TANC1: variants seen among roughly 807,000 people sequenced by gnomAD.
TANC1 encodes the protein protein TANC1.
In TANC1, 77 loss-of-function variants were observed where a neutral mutation model predicts 149.7. That is an observed-to-expected ratio of 0.51 (90% confidence interval 0.43 to 0.62). TANC1 has a LOEUF of 0.62. Among genes scored for constraint, TANC1 ranks in the 20% least tolerant of loss-of-function variants. The pLI is 0.00. For missense variants in TANC1, 1,985 were observed against 2,321.8 expected (o/e 0.85, Z 2.98); for synonymous variants, 854 against 925.0 (o/e 0.92, Z 1.39).
intron 2 of TANC1, among the ~76,000 whole-genome samples, chr2:159,045,918 A>G (rs1366022994): frequency 6.6e-6 from 1 of 152,242 alleles, no homozygotes; most frequent in Non-Finnish European, 1.5e-5. Context: ...AAATTCAACC[A>G]GAGTTTAGGC....
chr2:159,039,005 T>C (rs139814371), intron 2 of TANC1, among the ~76,000 whole-genome samples: 1,602 of 152,330 alleles, frequency 0.011, 17 homozygotes, highest in Non-Finnish European at 0.018. Context: ...TGGTAGGCTA[T>C]TAATTATTGC....
intron 23 of TANC1, 184 bp downstream of exon 23, chr2:159,224,548 G>C: frequency 2.9e-6 from 2 of 687,036 alleles, no homozygotes; most frequent in Middle Eastern, 6.6e-4. Context: ...CGGTGTTTCT[G>C]CGGGGAGGGT....
At chr2:159,216,620 G>A (rs944739038) in intron 19 of TANC1, among the ~76,000 whole-genome samples, 37 of 152,282 alleles carry the variant, frequency 2.4e-4, no homozygotes, top group African/African-American at 8.9e-4. Context: ...CCAGGCTGAC[G>A]GGAGGGTGTC....
intron 19 of TANC1, among the ~76,000 whole-genome samples, chr2:159,202,833 C>CA (rs1313163684): frequency 1.3e-5 from 2 of 152,154 alleles, no homozygotes; most frequent in African/African-American, 4.8e-5. Context: ...ACAGCTGTGA[C>CA]AACTCCATGC....
chr2:159,054,707 T>C (rs1315511719), intron 2 of TANC1, among the ~76,000 whole-genome samples: 1 of 152,242 alleles, frequency 6.6e-6, no homozygotes, highest in Non-Finnish European at 1.5e-5. Context: ...CTGGCATTGA[T>C]TGAGTGCCTT....
intron 2 of TANC1, among the ~76,000 whole-genome samples, chr2:159,040,510 G>C (rs562747713): frequency 6.6e-6 from 1 of 152,126 alleles, no homozygotes; most frequent in South Asian, 2.1e-4. Flanking sequence ...TCATTCATTT[G>C]ATCTTCAATC....
At chr2:159,023,054 A>G (rs556241571) in intron 2 of TANC1, among the ~76,000 whole-genome samples, 1 of 152,286 alleles carries the variant, frequency 6.6e-6, no homozygotes, top group East Asian at 1.9e-4. Context: ...GGATTACATA[A>G]TGGGATGAGT....
chr2:159,199,003 A>G lies in TANC1; in HGVS notation c.3194A>G (p.Lys1065Arg). 6.2e-7 allele frequency: 1 copy of G among 1,614,118 alleles called. No homozygotes were observed. Among genetic ancestry groups the G allele is most frequent in the East Asian group, 2.2e-5 (1 of 44,868 alleles). ...GTCCAGTGCTTGCTGGGGATGGAGA[A>G]GGAACATGAAGTAGAAGTCAATGGC... ...SVVQCLLGME[K>R]EHEVEVNGTD... Residue 1065 changes from lysine to arginine, a missense_variant, in exon 19 of 27, where the codon AAG (lysine) becomes AGG (arginine). By Grantham distance (26) the Lys-to-Arg change is conservative (BLOSUM62 2). Around this residue, in one of 3 missense-constraint regions of TANC1, gnomAD observed 920 missense variants for 994.7 expected, o/e 0.92. Coordinates refer to ENST00000263635, the MANE Select transcript of TANC1 (RefSeq NM_033394.3).
At position 159,120,361 on chromosome 2, in the gene TANC1, A is replaced by AT. The variant is rs1003755362; in HGVS notation, c.260-15824dup. On this transcript the variant is annotated intron_variant, in intron 4 of 26. Transcript: ENST00000263635. ...TTGGACTTGAGGGAGTAGTTTGTTT[A>AT]TTTTTTTTTAATTTTTTTTTAGAAT... 9.1e-4 allele frequency among the ~76,000 whole-genome samples: 137 copies of AT among 151,184 alleles called. 2 individuals carry two copies. The highest frequency in any genetic ancestry group is 1.4e-3 in the Non-Finnish European group (98 of 67,700).
intron 3 of TANC1, among the ~76,000 whole-genome samples, chr2:159,069,488 T>A (rs2042957642): frequency 6.6e-6 from 1 of 152,206 alleles, no homozygotes; most frequent in South Asian, 2.1e-4. Context: ...TTACCACGTT[T>A]CTTAATTTTA....
intron 19 of TANC1, among the ~76,000 whole-genome samples, chr2:159,203,630 A>G (rs2058404615): frequency 1.3e-5 from 2 of 152,134 alleles, no homozygotes; most frequent in Admixed American, 6.5e-5. Flanking sequence ...CAGTGGCACA[A>G]TCACAGTTCA....
At position 159,178,580 on chromosome 2, in the gene TANC1, G is replaced by A; in HGVS notation, c.1927G>A (p.Val643Ile). Residue 643 changes from valine to isoleucine, a missense_variant, in exon 14 of 27, where the codon GTC becomes ATC. Transcript: ENST00000263635. ...FQEIISALPFVKLSLDDFPDN... is the reference protein window; with the variant it reads ...FQEIISALPFIKLSLDDFPDN... ...GGAAATCATAAGTGCGCTGCCATTT[G>A]TCAAGCTTTCCTTAGATGACTTCCC... is the stretch of plus-strand genomic sequence containing the variant. 6.3e-7 allele frequency: 1 copy of A among 1,590,456 alleles called. No homozygotes were observed. The highest frequency in any genetic ancestry group is 8.6e-7 in the Non-Finnish European group (1 of 1,168,346).
chr2:159,184,953 A>T (rs937756729), intron 14 of TANC1, among the ~76,000 whole-genome samples: 1 of 152,210 alleles, frequency 6.6e-6, no homozygotes, highest in Non-Finnish European at 1.5e-5. Context: ...GGAAAGACAA[A>T]TGCAGTTTAA....
At chr2:159,164,372 G>T (rs775115690) in intron 8 of TANC1, among the ~76,000 whole-genome samples, 4 of 152,212 alleles carry the variant, frequency 2.6e-5, no homozygotes, top group African/African-American at 9.7e-5. Flanking sequence ...ATAGGAGGAT[G>T]TTTGTAGGTT....
intron 2 of TANC1, among the ~76,000 whole-genome samples, chr2:159,050,391 A>G (rs926108698): frequency 1.3e-5 from 2 of 152,220 alleles, no homozygotes; most frequent in African/African-American, 4.8e-5. Context: ...AGCCTGTGAT[A>G]TAGTTTTAAA....
At chr2:159,010,954 A>G (rs797012053) in intron 2 of TANC1, among the ~76,000 whole-genome samples, 1 of 152,018 alleles carries the variant, frequency 6.6e-6, no homozygotes, top group Non-Finnish European at 1.5e-5. Flanking sequence ...CTGGGGTTGA[A>G]TGAGTCCGTT....
chr2:159,076,409 A>T (rs149695197), intron 3 of TANC1, among the ~76,000 whole-genome samples: 1 of 152,334 alleles, frequency 6.6e-6, no homozygotes, highest in East Asian at 1.9e-4. Context: ...ATAAAAGCAT[A>T]AAAGCAACCC....
At position 159,178,415 on chromosome 2, in the gene TANC1, G is replaced by A. The variant is rs748859677; in HGVS notation, c.1903-141G>A. The A allele has an allele frequency of 1.2e-5, 12 of 986,530 alleles. 1 individual carries two copies. The highest frequency in any genetic ancestry group is 5.7e-5 in the Admixed American group (2 of 34,906). 61.1% of individuals were successfully genotyped at this position (986,530 alleles called of 1,614,324 possible). On this transcript the variant is annotated intron_variant, in intron 13 of 26. Transcript: ENST00000263635. ...TTATCTTCACCTTATCCTATTACACGTTTTAATACAAAACAATGAGTCCCT... is the reference window on the plus strand; with the variant it reads ...TTATCTTCACCTTATCCTATTACACATTTTAATACAAAACAATGAGTCCCT...
intron 2 of TANC1, among the ~76,000 whole-genome samples, chr2:159,039,343 C>G (rs1187838345): frequency 1.3e-5 from 2 of 152,062 alleles, no homozygotes; most frequent in African/African-American, 4.8e-5. Context: ...TTTTATGTCT[C>G]TATCTCCTTC....
Sources: allele counts gnomAD v4.1 joint callset (sites outside exome capture counted in the v4.1 genomes callset), GRCh38; gene constraint gnomAD v4.1.1; regional missense constraint gnomAD v4.1.1; transcripts MANE v1.5; gene names NCBI Gene and HGNC (gene_info 2026-07-23, HGNC 2026-07-21).